The following KRT76 variants were observed in gnomAD, a reference collection of about 807,000 sequenced individuals.
KRT76 encodes keratin, type II cytoskeletal 2 oral.
In KRT76, 47 loss-of-function variants were observed where a neutral mutation model predicts 44.9. The ratio of observed to expected loss-of-function variants is 1.05; its 90% CI spans 0.83 to 1.33. KRT76 has a LOEUF of 1.33. KRT76 is among the 40% of genes most tolerant of loss of function. The pLI, the probability that KRT76 is intolerant of heterozygous loss-of-function variation, is 0.00. For missense variants in KRT76, 860 were observed against 775.8 expected (o/e 1.11, Z -1.29); for synonymous variants, 331 against 294.1 (o/e 1.13, Z -1.28).
chr12:52,771,483 A>G (rs1376495115), intron 6 of KRT76, among the ~76,000 whole-genome samples: 1 of 152,120 alleles, frequency 6.6e-6, no homozygotes, highest in Non-Finnish European at 1.5e-5. Context: ...TTAGTCCCTA[A>G]TCTTTTTTGC....
At chr12:52,771,737 C>T in intron 6 of KRT76, 134 bp downstream of exon 6, 1 of 1,133,108 alleles carries the variant, frequency 8.8e-7, no homozygotes, top group South Asian at 1.8e-5. Context: ...AACAGAGTTT[C>T]CCAGACACTG....
rs1480680104 is a variant in KRT76, at chr12:52,776,862, C to A, written c.430G>T (p.Gly144Cys). Residue 144 changes from glycine (G) to cysteine (C), a missense_variant, in exon 1 of 9, where the codon GGT (glycine) becomes TGT (cysteine). Coordinates refer to ENST00000332411, the MANE Select transcript of KRT76 (RefSeq NM_015848.4). ...FGGPGSFGGP[G>C]GFGPGGFPGG... Reference sequence around the variant, plus strand: ...GGAAAGCCCCCAGGGCCAAAGCCACCAGGACCACCAAAGCTGCCAGGCCCA... The same window carrying A: ...GGAAAGCCCCCAGGGCCAAAGCCACAAGGACCACCAAAGCTGCCAGGCCCA... 3.7e-6 allele frequency: 6 copies of A among 1,612,830 alleles called. No homozygotes were observed. Among genetic ancestry groups the A allele is most frequent in the African/African-American group, 2.7e-5 (2 of 74,854 alleles).
intron 4 of KRT76, 72 bp from the exon 5 acceptor site, chr12:52,772,330 A>C: frequency 7.0e-7 from 1 of 1,430,554 alleles, no homozygotes; most frequent in East Asian, 2.3e-5. Flanking sequence ...CTACTAGCGG[A>C]GATATCCCAA....
At chr12:52,769,843 C>T (rs746781329) in intron 7 of KRT76, among the ~76,000 whole-genome samples, 4 of 152,364 alleles carry the variant, frequency 2.6e-5, no homozygotes, top group South Asian at 2.1e-4. Context: ...TGATGCCCAG[C>T]TCTGCCTTGA....
intron 5 of KRT76, 21 bp from the exon 6 acceptor site, chr12:52,772,017 C>T: frequency 1.2e-6 from 2 of 1,611,894 alleles, no homozygotes; most frequent in South Asian, 1.1e-5. Context: ...AAAAACCAAT[C>T]AACGTGGCTT....
rs746645483 is a variant in KRT76, at chr12:52,771,009, C to A, written c.1474G>T (p.Glu492Ter). 6.2e-7 allele frequency: 1 copy of A among 1,614,164 alleles called. No individual in the cohort carries two copies. The highest frequency in any genetic ancestry group is 1.7e-5 in the Admixed American group (1 of 60,022). The change falls in exon 7 of 9, where the codon GAG becomes TAG. Residue 492 changes from glutamate (E) to a stop codon, truncating the protein, a stop_gained. Transcript: ENST00000332411. LOFTEE classifies it low-confidence loss of function (END_TRUNC). ...CCCATGGCCCCTCACCTGCACTCCT[C>A]TCCCTCCAGCAGCTTGCGGTAGGTG... is the stretch of plus-strand genomic sequence containing the variant. Reference protein sequence around the residue: ...IATYRKLLEGEECRMSGECQS... With the variant: ...IATYRKLLEG
Position 52,775,535 on chromosome 12 carries a change from G to A in KRT76, c.668C>T (p.Thr223Ile). 6.2e-7 allele frequency: 1 copy of A among 1,614,156 alleles called. No individual in the cohort carries two copies. The highest frequency in any genetic ancestry group is 8.5e-7 in the Non-Finnish European group (1 of 1,180,036). Residue 223 changes from threonine to isoleucine, a missense_variant, in exon 2 of 9, where the codon ACA becomes ATA. Coordinates refer to ENST00000332411, the MANE Select transcript of KRT76 (RefSeq NM_015848.4). ...CTCCAGGCTGCTGGGCCCTGAGCCT[G>A]TGGTCTGCTGCTGGAGCAGTTCCCA... The part of the protein sequence containing the change: ...TKWELLQQQT[T>I]GSGPSSLEPC...
intron 7 of KRT76, 70 bp downstream of exon 7, chr12:52,770,929 C>G: frequency 6.3e-7 from 1 of 1,593,764 alleles, no homozygotes; most frequent in African/African-American, 1.3e-5. Flanking sequence ...TATCATCTTG[C>G]CCCCTTTCCA....
intron 6 of KRT76, 44 bp from the exon 7 acceptor site, chr12:52,771,263 C>T (rs747499239): frequency 6.3e-7 from 1 of 1,577,526 alleles, no homozygotes; most frequent in Admixed American, 1.7e-5. Flanking sequence ...GAAACAAACA[C>T]TTGATCCTTA....
intron 3 of KRT76, 33 bp downstream of exon 3, chr12:52,773,549 G>T (rs766162363): frequency 7.0e-6 from 11 of 1,580,878 alleles, no homozygotes; most frequent in Non-Finnish European, 7.8e-6. Flanking sequence ...TCCCAGAAAG[G>T]AAACCTGGAT....
chr12:52,769,273 C>T (rs976074682), intron 8 of KRT76, among the ~76,000 whole-genome samples, 163 bp from the exon 9 acceptor site: 49 of 152,340 alleles, frequency 3.2e-4, no homozygotes, highest in African/African-American at 1.2e-3. Context: ...GCCTCTAGTG[C>T]CTTCTCCCAA....
At chr12:52,775,991 A>G (rs1939255867) in intron 1 of KRT76, among the ~76,000 whole-genome samples, 1 of 148,504 alleles carries the variant, frequency 6.7e-6, no homozygotes, top group African/African-American at 2.6e-5. Context: ...ATACCACTGA[A>G]GGAGGTAAGC....
intron 6 of KRT76, 96 bp downstream of exon 6, chr12:52,771,775 G>C (rs1454634099): frequency 2.1e-6 from 3 of 1,421,968 alleles, no homozygotes; most frequent in Non-Finnish European, 2.9e-6. Flanking sequence ...CACCATGAAA[G>C]GATGGAGAGA....
At chr12:52,769,167 GACTGTATT>G (rs1233522112) in intron 8 of KRT76, 57 bp from the exon 9 acceptor site, 7 of 654,556 alleles carry the variant, frequency 1.1e-5, no homozygotes, top group Non-Finnish European at 1.7e-5. Context: ...GGAAGCCAAG[GACTGTATT>G]ACATCCCCAC....
chr12:52,769,138 G>A (rs904056716), intron 8 of KRT76, 28 bp from the exon 9 acceptor site: 1 of 675,812 alleles, frequency 1.5e-6, no homozygotes, highest in South Asian at 1.6e-5. Context: ...CACAATTCAG[G>A]CAAAGGGCCT....
At position 52,773,563 on chromosome 12, in the gene KRT76, C is replaced by T. The variant is rs1431388241; in HGVS notation, c.876+19G>A. On this transcript the variant is annotated intron_variant, in intron 3 of 8. Coordinates refer to ENST00000332411, the MANE Select transcript of KRT76 (RefSeq NM_015848.4). ...CTCCCAGAAAGGAAACCTGGATATG[C>T]TGGTCCAGGCTCACCTACCTTCTTG... 3 of 1,602,020 alleles carry T rather than the reference C, an allele frequency of 1.9e-6. No homozygotes were observed. Among genetic ancestry groups the T allele is most frequent in the Non-Finnish European group, 2.6e-6 (3 of 1,170,790 alleles).
At chr12:52,774,203 G>A (rs1485203727) in intron 2 of KRT76, among the ~76,000 whole-genome samples, 3 of 152,118 alleles carry the variant, frequency 2.0e-5, no homozygotes, top group Admixed American at 6.5e-5. Context: ...CCTGTCCAGA[G>A]ACCTCTCAGA....
chr12:52,769,179 T>C, intron 8 of KRT76, 69 bp from the exon 9 acceptor site: 1 of 632,182 alleles, frequency 1.6e-6, no homozygotes, highest in South Asian at 1.9e-5. Context: ...CTGTATTACA[T>C]CCCCACCCTG....
At chr12:52,776,589 C>A (rs1251832723) in intron 1 of KRT76, 103 bp downstream of exon 1, 7 of 1,586,090 alleles carry the variant, frequency 4.4e-6, no homozygotes, top group South Asian at 2.3e-5. Flanking sequence ...AGGACAAGAG[C>A]CAAGCGCCCC....
Sources: gnomAD v4.1 joint callset for allele counts (sites outside exome capture counted in the v4.1 genomes callset) on GRCh38, gnomAD v4.1.1 for gene constraint, MANE v1.5 for transcripts, NCBI Gene and HGNC (gene_info 2026-07-23, HGNC 2026-07-21) for gene names.